The following PIP4K2A variants were observed in gnomAD, a reference collection of about 807,000 sequenced individuals.
PIP4K2A encodes phosphatidylinositol-5-phosphate 4-kinase type 2 alpha, also known as phosphatidylinositol 5-phosphate 4-kinase type-2 alpha.
Under a neutral mutation model 42.9 loss-of-function variants are expected in PIP4K2A, and 14 were observed. The ratio of observed to expected loss-of-function variants is 0.33; its 90% confidence interval spans 0.22 to 0.51. The LOEUF is 0.51. Ranked by LOEUF, PIP4K2A falls within the 20% of genes least tolerant of loss-of-function variation. The probability of loss-of-function intolerance (pLI) is 0.97; values close to 1 mark genes in which losing one functional copy is unlikely to be tolerated. For synonymous variants in PIP4K2A, 192 were observed against 192.2 expected (o/e 1.00, Z 0.01); for missense variants, 434 against 519.8 (o/e 0.83, Z 1.61).
chr10:22,652,104 C>T (rs1320339881), intron 1 of PIP4K2A, among the ~76,000 whole-genome samples: 1 of 150,538 alleles, frequency 6.6e-6, no homozygotes, highest in Non-Finnish European at 1.5e-5. Flanking sequence ...CATGAAATAA[C>T]TGAAAAACTG....
chr10:22,686,271 A>C (rs889010308), intron 1 of PIP4K2A, among the ~76,000 whole-genome samples: 4 of 152,194 alleles, frequency 2.6e-5, no homozygotes, highest in Admixed American at 2.6e-4. Context: ...AAGGAAATGT[A>C]ATCTCCCAAT....
intron 1 of PIP4K2A, among the ~76,000 whole-genome samples, chr10:22,618,486 C>T (rs113350175): frequency 5.3e-5 from 8 of 152,122 alleles, no homozygotes; most frequent in African/African-American, 1.2e-4. Context: ...GTCCCTGTCC[C>T]GCAAACAGAA....
chr10:22,591,326 T>C (rs1837506123), intron 4 of PIP4K2A, among the ~76,000 whole-genome samples: 1 of 152,198 alleles, frequency 6.6e-6, no homozygotes, highest in South Asian at 2.1e-4. Context: ...TTCTGCAAAG[T>C]TGCCAAATCT....
rs1168788819 is a variant in PIP4K2A, at chr10:22,580,637, GTT to G, written c.493-7182_493-7181del. 4.9e-4 allele frequency among the ~76,000 whole-genome samples: 74 copies of G among 149,566 alleles called. 1 individual carries two copies. The highest frequency in any genetic ancestry group is 1.7e-3 in the African/African-American group (68 of 38,942). ...ATCTATTACCCTTTTGTAAAACACT[GTT>G]GGCTCAACCACAAGACAATCTGAGG... On this transcript the variant is annotated intron_variant, in intron 4 of 9. Coordinates refer to ENST00000376573, the MANE Select transcript of PIP4K2A (RefSeq NM_005028.5).
chr10:22,640,014 CTTTTTTT>C (rs71395806), intron 1 of PIP4K2A, among the ~76,000 whole-genome samples: 438 of 92,352 alleles, frequency 4.7e-3, no homozygotes, highest in African/African-American at 0.016. Flanking sequence ...GATGTGTTGT[CTTTTTTT>C]TTTTTTTTTT....
chr10:22,664,172 T>TATATATATACATATATATAC (rs1186792724), intron 1 of PIP4K2A, among the ~76,000 whole-genome samples: 7 of 73,956 alleles, frequency 9.5e-5, no homozygotes, highest in South Asian at 3.4e-4. Flanking sequence ...TATATACATA[T>TATATATATACATATATATAC]ATATATATAC....
chr10:22,540,115 A>C (rs879066851), intron 8 of PIP4K2A, 41 bp from the exon 9 acceptor site: 13 of 898,440 alleles, frequency 1.4e-5, no homozygotes, highest in East Asian at 2.6e-5. Context: ...ACATGTGACA[A>C]CACCAGTGCC....
chr10:22,654,113 A>T (rs1839046348), intron 1 of PIP4K2A, among the ~76,000 whole-genome samples: 1 of 152,200 alleles, frequency 6.6e-6, no homozygotes, highest in African/African-American at 2.4e-5. Flanking sequence ...CTGGAATGGC[A>T]ATGACTTTGC....
chr10:22,562,392 C>CA (rs1240399059), intron 6 of PIP4K2A, among the ~76,000 whole-genome samples: 1 of 151,930 alleles, frequency 6.6e-6, no homozygotes, highest in Non-Finnish European at 1.5e-5. Context: ...ACTAAAAATA[C>CA]AAAAAAATTA....
intron 1 of PIP4K2A, among the ~76,000 whole-genome samples, chr10:22,637,122 G>A (rs1838682602): frequency 6.6e-6 from 1 of 152,232 alleles, no homozygotes; most frequent in Non-Finnish European, 1.5e-5. Flanking sequence ...TAGCAAGGAA[G>A]AGCAAACGTC....
At chr10:22,636,827 G>C (rs1838676606) in intron 1 of PIP4K2A, among the ~76,000 whole-genome samples, 1 of 152,180 alleles carries the variant, frequency 6.6e-6, no homozygotes, top group South Asian at 2.1e-4. Flanking sequence ...GGTGGCTTTG[G>C]CCAGTGGGCA....
chr10:22,690,458 G>A (rs1839843516), intron 1 of PIP4K2A, among the ~76,000 whole-genome samples: 1 of 152,138 alleles, frequency 6.6e-6, no homozygotes, highest in Admixed American at 6.6e-5. Flanking sequence ...AAGATTATTT[G>A]CCATCTTAAT....
intron 1 of PIP4K2A, among the ~76,000 whole-genome samples, chr10:22,696,670 T>A (rs150504629): frequency 1.3e-5 from 2 of 152,164 alleles, no homozygotes; most frequent in Admixed American, 6.5e-5. Flanking sequence ...AAATTACATA[T>A]AGTTTATTCA....
At chr10:22,653,732 G>T (rs148417922) in intron 1 of PIP4K2A, among the ~76,000 whole-genome samples, 1,895 of 152,222 alleles carry the variant, frequency 0.012, 37 homozygotes, top group African/African-American at 0.044. Flanking sequence ...TGGCCGGCAT[G>T]GCGAAATCCT....
intron 1 of PIP4K2A, among the ~76,000 whole-genome samples, chr10:22,633,810 C>T (rs1343306111): frequency 6.6e-6 from 1 of 152,170 alleles, no homozygotes; most frequent in Non-Finnish European, 1.5e-5. Context: ...ATGGAGGCAA[C>T]TGGGCATAAG....
chr10:22,617,803 T>C (rs1425412718), intron 1 of PIP4K2A, among the ~76,000 whole-genome samples: 1 of 152,112 alleles, frequency 6.6e-6, no homozygotes, highest in African/African-American at 2.4e-5. Flanking sequence ...GGAATTATCT[T>C]GAAAGGCCCG....
chr10:22,634,257 C>G (rs1419848740), intron 1 of PIP4K2A, among the ~76,000 whole-genome samples: 1 of 152,212 alleles, frequency 6.6e-6, no homozygotes, highest in Non-Finnish European at 1.5e-5. Context: ...TTCATTACTG[C>G]TGGCCAATCT....
At chr10:22,603,109 T>C (rs1837829555) in intron 3 of PIP4K2A, among the ~76,000 whole-genome samples, 1 of 152,230 alleles carries the variant, frequency 6.6e-6, no homozygotes, top group Non-Finnish European at 1.5e-5. Context: ...ATATCAAAAG[T>C]TTAAAATGTT....
At chr10:22,633,284 A>T (rs574546297) in intron 1 of PIP4K2A, among the ~76,000 whole-genome samples, 1 of 152,364 alleles carries the variant, frequency 6.6e-6, no homozygotes, top group Non-Finnish European at 1.5e-5. Flanking sequence ...TTTAAAAGAA[A>T]AAGAAAAACC....
Sources: allele counts gnomAD v4.1 joint callset (sites outside exome capture counted in the v4.1 genomes callset), GRCh38; gene constraint gnomAD v4.1.1; transcripts MANE v1.5; gene names NCBI Gene and HGNC (gene_info 2026-07-23, HGNC 2026-07-21).